ADGRL3: variants seen among roughly 807,000 people sequenced by gnomAD.
ADGRL3 encodes the protein adhesion G protein-coupled receptor L3.
In ADGRL3, 62 loss-of-function variants were observed where a neutral mutation model predicts 153.5. The observed-to-expected ratio is 0.40, with a 90% CI of 0.33 to 0.50. The LOEUF is 0.50. Ranked by LOEUF, ADGRL3 falls within the 20% of genes least tolerant of loss-of-function variation. ADGRL3 has a pLI of 0.47. For synonymous variants in ADGRL3, 710 were observed against 672.5 expected, an observed-to-expected ratio of 1.06 and a Z score of -0.86; for missense variants, 1,641 against 1,859.4, an observed-to-expected ratio of 0.88 and a Z score of 2.16.
At chr4:61,431,390 G>A (rs2097353861) in intron 2 of ADGRL3, among the ~76,000 whole-genome samples, 1 of 152,180 alleles carries the variant, frequency 6.6e-6, no homozygotes, top group Non-Finnish European at 1.5e-5. Flanking sequence ...GGAAATGGTT[G>A]TCTTTCAGAG....
chr4:62,077,580 T>C lies in ADGRL3; in HGVS notation c.*6672T>C, dbSNP rs1443094903. The C allele has an allele frequency of 6.6e-6, 1 of 151,924 alleles. No individual in the cohort carries two copies. Among genetic ancestry groups the C allele is most frequent in the Non-Finnish European group, 1.5e-5 (1 of 67,868 alleles). 9.4% of individuals were successfully genotyped at this position (151,924 alleles called of 1,614,324 possible). A position where few individuals can be genotyped will look rare whatever the true frequency, so the allele number is the denominator to read the frequency against. ...ATGCTTTAACAGTAGGTAGAGGTCTTTGGGGTTGGAACTCAGGATACAGTG... is the reference window on the plus strand; with the variant it reads ...ATGCTTTAACAGTAGGTAGAGGTCTCTGGGGTTGGAACTCAGGATACAGTG... On this transcript the variant is annotated 3_prime_UTR_variant, in exon 27 of 27. Coordinates refer to ENST00000683033, the MANE Select transcript of ADGRL3 (RefSeq NM_001387552.1).
intron 17 of ADGRL3, among the ~76,000 whole-genome samples, chr4:61,951,351 G>A (rs1482779635): frequency 6.6e-6 from 1 of 152,162 alleles, no homozygotes; most frequent in Non-Finnish European, 1.5e-5. Context: ...CTCACAGTCA[G>A]TGGTTTACCC....
intron 2 of ADGRL3, among the ~76,000 whole-genome samples, chr4:61,431,773 G>C (rs1174579756): frequency 6.6e-6 from 1 of 152,128 alleles, no homozygotes; most frequent in Admixed American, 6.6e-5. Flanking sequence ...TAAAGTTCTT[G>C]TCTGCTAAAA....
At chr4:61,340,275 C>A (rs2095780489) in intron 1 of ADGRL3, among the ~76,000 whole-genome samples, 1 of 152,146 alleles carries the variant, frequency 6.6e-6, no homozygotes, top group Non-Finnish European at 1.5e-5. Context: ...CATTTTAAAG[C>A]CCAGTCCAAA....
At chr4:61,931,602 A>G (rs1007065223) in intron 13 of ADGRL3, among the ~76,000 whole-genome samples, 3 of 152,156 alleles carry the variant, frequency 2.0e-5, no homozygotes, top group African/African-American at 4.8e-5. Context: ...CTGTCTCTCT[A>G]TCCTTGTGTA....
chr4:61,959,242 A>G (rs1384289383), intron 17 of ADGRL3, among the ~76,000 whole-genome samples: 1 of 152,156 alleles, frequency 6.6e-6, no homozygotes, highest in Admixed American at 6.6e-5. Flanking sequence ...TTAAATTAAC[A>G]TTTCTACTGT....
At chr4:61,320,356 G>A (rs1259234269) in intron 1 of ADGRL3, among the ~76,000 whole-genome samples, 1 of 152,146 alleles carries the variant, frequency 6.6e-6, no homozygotes, top group African/African-American at 2.4e-5. Context: ...ACTTGTGTTA[G>A]TCAGAGTTCT....
At chr4:61,965,746 G>C (rs765359308) in intron 17 of ADGRL3, among the ~76,000 whole-genome samples, 5 of 151,402 alleles carry the variant, frequency 3.3e-5, no homozygotes, top group Non-Finnish European at 7.4e-5. Context: ...GCAAGACTCC[G>C]ACTCACAAAA....
intron 9 of ADGRL3, among the ~76,000 whole-genome samples, chr4:61,884,345 C>T (rs2098525087): frequency 1.3e-5 from 2 of 152,130 alleles, no homozygotes; most frequent in African/African-American, 4.8e-5. Context: ...CTCTGTGCCT[C>T]AGTTATGCAT....
At chr4:61,523,716 C>T (rs978400367) in intron 4 of ADGRL3, among the ~76,000 whole-genome samples, 2 of 151,882 alleles carry the variant, frequency 1.3e-5, no homozygotes, top group African/African-American at 4.8e-5. Flanking sequence ...GGTATAAATA[C>T]CAGAAGGATG....
chr4:61,491,779 A>G (rs893621904), intron 2 of ADGRL3, among the ~76,000 whole-genome samples: 2 of 152,142 alleles, frequency 1.3e-5, no homozygotes, highest in Admixed American at 6.6e-5. Context: ...CAAGGTGCCA[A>G]ATTATACCTT....
chr4:61,653,160 TCTCTCTCTCTCACA>T (rs1275408872), intron 5 of ADGRL3, among the ~76,000 whole-genome samples: 15 of 106,082 alleles, frequency 1.4e-4, no homozygotes, highest in African/African-American at 5.4e-4. Context: ...TGTCTCTCTC[TCTCTCTCTCTCACA>T]CACACACACA....
intron 2 of ADGRL3, among the ~76,000 whole-genome samples, chr4:61,419,080 C>A (rs1454540952): frequency 6.6e-6 from 1 of 150,458 alleles, no homozygotes; most frequent in Non-Finnish European, 1.5e-5. Flanking sequence ...TACTTTCTCA[C>A]AATTTAAAAC....
intron 2 of ADGRL3, among the ~76,000 whole-genome samples, chr4:61,390,934 C>T (rs191494504): frequency 4.6e-5 from 7 of 152,200 alleles, no homozygotes; most frequent in African/African-American, 7.2e-5. Flanking sequence ...CAGCATAATG[C>T]CTTTGAGGTT....
At chr4:61,203,851 A>G (rs1353893274) in intron 1 of ADGRL3, among the ~76,000 whole-genome samples, 2 of 151,994 alleles carry the variant, frequency 1.3e-5, no homozygotes, top group Non-Finnish European at 2.9e-5. Context: ...ATACCAGATA[A>G]TTTGTATAGG....
chr4:61,551,916 A>G (rs2098742128), intron 4 of ADGRL3, among the ~76,000 whole-genome samples: 1 of 152,166 alleles, frequency 6.6e-6, no homozygotes, highest in African/African-American at 2.4e-5. Flanking sequence ...ATTGTATAAG[A>G]CGCTTGTGTG....
chr4:61,766,763 AT>A, intron 8 of ADGRL3, among the ~76,000 whole-genome samples: 1 of 151,482 alleles, frequency 6.6e-6, no homozygotes, highest in African/African-American at 2.4e-5. Flanking sequence ...GTGCAAAGGA[AT>A]AGCAAAGAAA....
intron 8 of ADGRL3, among the ~76,000 whole-genome samples, chr4:61,774,447 AAAAC>A (rs1011614191): frequency 1.2e-3 from 186 of 152,148 alleles, no homozygotes; most frequent in African/African-American, 4.3e-3. Context: ...ATTTTTTAGA[AAAAC>A]AATACAGTAT....
At chr4:62,042,664 T>C (rs1729010438) in intron 24 of ADGRL3, among the ~76,000 whole-genome samples, 1 of 152,046 alleles carries the variant, frequency 6.6e-6, no homozygotes, top group Admixed American at 6.6e-5. Flanking sequence ...AGATAAAATG[T>C]TACTTCCTCA....
Sources: allele counts gnomAD v4.1 joint callset (sites outside exome capture counted in the v4.1 genomes callset), GRCh38; gene constraint gnomAD v4.1.1; transcripts MANE v1.5; gene names NCBI Gene and HGNC (gene_info 2026-07-23, HGNC 2026-07-21).